MAP4K4: variants seen among roughly 807,000 people sequenced by gnomAD.
The protein encoded by MAP4K4 is HPK/GCK-like kinase HGK.
A neutral mutation model predicts 189.6 loss-of-function variants in MAP4K4; 38 were observed. That is an observed-to-expected ratio of 0.20 (90% CI 0.15 to 0.26). The LOEUF (loss-of-function observed/expected upper bound fraction) is 0.26. Ranked by LOEUF, MAP4K4 falls within the 10% of genes least tolerant of loss-of-function variation. MAP4K4 has a pLI of 1.00. For missense variants in MAP4K4, 1,054 were observed against 1,726.9 expected, an observed-to-expected ratio of 0.61 and a Z score of 6.91; for synonymous variants, 610 against 624.3, an observed-to-expected ratio of 0.98 and a Z score of 0.34.
chr2:101,700,565 C>T (rs2037848414), intron 2 of MAP4K4, among the ~76,000 whole-genome samples: 1 of 152,154 alleles, frequency 6.6e-6, no homozygotes, highest in Non-Finnish European at 1.5e-5. Context: ...AACATAAAGA[C>T]TAGAGAGCTC....
intron 6 of MAP4K4, among the ~76,000 whole-genome samples, chr2:101,830,831 GC>G (rs1373200395): frequency 6.6e-6 from 1 of 152,072 alleles, no homozygotes; most frequent in African/African-American, 2.4e-5. Flanking sequence ...GCACTGGCTG[GC>G]CTGTGTGTCC....
chr2:101,804,206 A>G (rs1185097739), intron 3 of MAP4K4, among the ~76,000 whole-genome samples: 1 of 152,084 alleles, frequency 6.6e-6, no homozygotes, highest in Non-Finnish European at 1.5e-5. Flanking sequence ...CCCAGATTAT[A>G]TTTTGGCTGT....
chr2:101,770,350 G>A (rs2080793192), intron 2 of MAP4K4, among the ~76,000 whole-genome samples: 1 of 147,632 alleles, frequency 6.8e-6, no homozygotes, highest in Non-Finnish European at 1.5e-5. Context: ...CCGAGTTCAA[G>A]TGATTCTCCT....
At chr2:101,724,107 A>C (rs1016278571) in intron 2 of MAP4K4, among the ~76,000 whole-genome samples, 1 of 152,184 alleles carries the variant, frequency 6.6e-6, no homozygotes, top group Non-Finnish European at 1.5e-5. Flanking sequence ...TCTGTCTTAC[A>C]TGATACTTAT....
chr2:101,881,939 T>C (rs1222539686), intron 27 of MAP4K4, among the ~76,000 whole-genome samples: 1 of 152,236 alleles, frequency 6.6e-6, no homozygotes, highest in Non-Finnish European at 1.5e-5. Context: ...ACATTATTGT[T>C]TCCTGTTTGG....
chr2:101,769,836 C>T (rs1575227917), intron 2 of MAP4K4, among the ~76,000 whole-genome samples: 1 of 152,118 alleles, frequency 6.6e-6, no homozygotes, highest in East Asian at 1.9e-4. Flanking sequence ...CCCACCTTGG[C>T]CTCCTAGAGT....
At chr2:101,887,923 T>C (rs2098510508) in exon 31 of MAP4K4, 1 of 1,607,104 alleles carries the variant, frequency 6.2e-7, no homozygotes, top group Admixed American at 1.7e-5. Flanking sequence ...TGGGGAGAGA[T>C]GCCTACATCA....
intron 2 of MAP4K4, among the ~76,000 whole-genome samples, chr2:101,786,333 T>A (rs2091225866): frequency 6.6e-6 from 1 of 152,010 alleles, no homozygotes; most frequent in African/African-American, 2.4e-5. Flanking sequence ...GTTAGAAACA[T>A]AAAGAAAGTT....
chr2:101,713,930 T>C (rs2047025620), intron 2 of MAP4K4, among the ~76,000 whole-genome samples: 2 of 152,110 alleles, frequency 1.3e-5, no homozygotes, highest in Non-Finnish European at 2.9e-5. Context: ...CATCTGATCC[T>C]ACCAAAAATA....
At chr2:101,852,081 C>A (rs996805935) in intron 12 of MAP4K4, among the ~76,000 whole-genome samples, 2 of 151,298 alleles carry the variant, frequency 1.3e-5, no homozygotes, top group Non-Finnish European at 2.9e-5. Flanking sequence ...ACCAGAGGTA[C>A]CTTAGAGTGA....
At chr2:101,716,488 AGAT>A (rs1559068781) in intron 2 of MAP4K4, among the ~76,000 whole-genome samples, 9 of 150,732 alleles carry the variant, frequency 6.0e-5, no homozygotes, top group Admixed American at 4.7e-4. Flanking sequence ...ATGCTATTTT[AGAT>A]GATGGAGATA....
rs11341237 is a variant in MAP4K4, at chr2:101,741,164, ATT to A, written c.123+42646_123+42647del. Among the ~76,000 whole-genome samples, 463 of 111,372 alleles carry A rather than the reference ATT, an allele frequency of 4.2e-3. 2 individuals carry two copies. Among genetic ancestry groups the A allele is most frequent in the African/African-American group, 0.012 (331 of 27,840 alleles). 73.1% of individuals were successfully genotyped at this position (111,372 alleles called of 152,430 possible). A position where few individuals can be genotyped will look rare whatever the true frequency, so the allele number is the denominator to read the frequency against. ...TGGGGAAGTGTGGAGGGTAGTAGGT[ATT>A]TTTTTTTTTTTTTTTTTTTGAGACA... On this transcript the variant is annotated intron_variant, in intron 2 of 32. Coordinates refer to ENST00000324219, the Ensembl canonical transcript of MAP4K4.
chr2:101,758,033 A>C (rs1400791895), intron 2 of MAP4K4, among the ~76,000 whole-genome samples: 2 of 152,168 alleles, frequency 1.3e-5, no homozygotes, highest in Non-Finnish European at 2.9e-5. Flanking sequence ...CAAAAAACAA[A>C]CAAACAAAAG....
At chr2:101,867,851 C>T (rs887519526) in intron 20 of MAP4K4, 178 bp from the exon 21 acceptor site, 1 of 632,104 alleles carries the variant, frequency 1.6e-6, no homozygotes, top group African/African-American at 1.8e-5. Flanking sequence ...TCTGATGTTA[C>T]CTGACCATGT....
At position 101,869,402 on chromosome 2, in the gene MAP4K4, CT is replaced by C. The variant is rs376934360; in HGVS notation, c.2464-212del. 9.2e-3 allele frequency among the ~76,000 whole-genome samples: 1,373 copies of C among 149,736 alleles called. 27 individuals carry two copies. Among genetic ancestry groups the C allele is most frequent in the African/African-American group, 0.032 (1,299 of 40,814 alleles). The stretch of plus-strand genomic sequence containing the variant: ...TTTGAACTGTATATGACATCTTTGA[CT>C]TTTTTTTGGTGTCTTCTATTTTTTT... On this transcript the variant is annotated intron_variant, in intron 21 of 32. Coordinates refer to ENST00000324219, the Ensembl canonical transcript of MAP4K4.
intron 2 of MAP4K4, among the ~76,000 whole-genome samples, chr2:101,737,455 ATATATATTTTTTTTT>A (rs1337325909): frequency 8.2e-5 from 3 of 36,566 alleles, no homozygotes; most frequent in African/African-American, 1.5e-4. Flanking sequence ...ATATATATAT[ATATATATTTTTTTTT>A]TTTTTTTTTT....
intron 2 of MAP4K4, among the ~76,000 whole-genome samples, chr2:101,775,527 C>T (rs899631273): frequency 6.6e-6 from 1 of 152,048 alleles, no homozygotes; most frequent in African/African-American, 2.4e-5. Flanking sequence ...TGTCATATAA[C>T]ACCTGTTAGC....
chr2:101,799,916 A>G lies in MAP4K4; in HGVS notation c.180+9140A>G, dbSNP rs183474599. On this transcript the variant is annotated intron_variant, in intron 3 of 32. Coordinates refer to ENST00000324219, the Ensembl canonical transcript of MAP4K4. ...ACTGAGCCCTGCCGATTCTTCTGCT[A>G]TTTTAATCGTTAGCTAGAGAACAGT... Among the ~76,000 whole-genome samples, 23 of 152,102 alleles carry G rather than the reference A, an allele frequency of 1.5e-4. No individual in the cohort carries two copies. In the East Asian group the frequency reaches 3.7e-3, roughly 24 times the overall value.
At chr2:101,833,084 C>G (rs2096636235) in intron 7 of MAP4K4, among the ~76,000 whole-genome samples, 1 of 152,010 alleles carries the variant, frequency 6.6e-6, no homozygotes, top group Non-Finnish European at 1.5e-5. Flanking sequence ...TAATGAGCCC[C>G]TTTGTGTACC....
Sources: allele counts gnomAD v4.1 joint callset (sites outside exome capture counted in the v4.1 genomes callset), GRCh38; gene constraint gnomAD v4.1.1; transcripts MANE v1.5; gene names NCBI Gene and HGNC (gene_info 2026-07-23, HGNC 2026-07-21).